Variants in PKNOX2 observed in about 807,000 individuals in gnomAD.
The protein encoded by PKNOX2 is homeobox protein PKNOX2.
In PKNOX2, 14 loss-of-function variants were observed where a neutral mutation model predicts 53.1. That is an observed-to-expected ratio of 0.26 (90% CI 0.17 to 0.41). PKNOX2 has a LOEUF of 0.41. PKNOX2 is among the 10% of genes least tolerant of loss of function. The pLI, the probability that PKNOX2 is intolerant of heterozygous loss-of-function variation, is 1.00. For synonymous variants in PKNOX2, 257 were observed against 242.8 expected (o/e 1.06, Z -0.54); for missense variants, 496 against 602.8 (o/e 0.82, Z 1.85).
intron 5 of PKNOX2, among the ~76,000 whole-genome samples, chr11:125,384,218 A>C (rs191383441): frequency 1.4e-4 from 22 of 152,354 alleles, no homozygotes; most frequent in African/African-American, 5.1e-4. Flanking sequence ...TAGACTTTGG[A>C]CATATAGTGA....
chr11:125,362,499 G>A (rs989584877), intron 4 of PKNOX2, among the ~76,000 whole-genome samples: 5 of 151,916 alleles, frequency 3.3e-5, no homozygotes, highest in African/African-American at 9.7e-5. Flanking sequence ...TCAGCCTCTC[G>A]AGTAGCTGAG....
rs200590076 is a variant in PKNOX2, at chr11:125,430,117, G to A, written c.1168G>A (p.Gly390Ser). 1.4e-4 allele frequency: 228 copies of A among 1,613,996 alleles called. No homozygotes were observed. Among genetic ancestry groups the A allele is most frequent in the Middle Eastern group, 5.0e-4 (3 of 6,058 alleles). Residue 390 changes from glycine (G) to serine (S), a missense_variant, in exon 12 of 13, where the codon GGT (glycine) becomes AGT (serine). Transcript: ENST00000298282. The stretch of plus-strand genomic sequence containing the variant: ...TGCGGGGGTGCTGCAGCAGCAGGGC[G>A]GTGCCCCAGGGACAAACCCCGATGG... ...IAAGVLQQQGGAPGTNPDGSI... is the reference protein window; with the variant it reads ...IAAGVLQQQGSAPGTNPDGSI...
At chr11:125,418,139 T>G (rs952330400) in intron 10 of PKNOX2, among the ~76,000 whole-genome samples, 1 of 151,998 alleles carries the variant, frequency 6.6e-6, no homozygotes. Context: ...GTTGTACCCA[T>G]TAGCCATCAC....
chr11:125,256,605 G>A (rs1944416233), intron 2 of PKNOX2, among the ~76,000 whole-genome samples: 1 of 152,196 alleles, frequency 6.6e-6, no homozygotes. Flanking sequence ...TCTGGGGATT[G>A]GTGGTCAGCG....
chr11:125,313,483 CAG>C (rs1360045772), intron 2 of PKNOX2, among the ~76,000 whole-genome samples: 2 of 152,228 alleles, frequency 1.3e-5, no homozygotes, highest in Non-Finnish European at 2.9e-5. Context: ...GGAATCCTCA[CAG>C]AGCTCCTGCT....
chr11:125,282,522 T>C (rs1946629406), intron 2 of PKNOX2, among the ~76,000 whole-genome samples: 1 of 152,204 alleles, frequency 6.6e-6, no homozygotes, highest in African/African-American at 2.4e-5. Flanking sequence ...TCAATAGGTC[T>C]GAAACAGAGC....
intron 3 of PKNOX2, chr11:125,332,485 C>G (rs1217608758): frequency 6.6e-6 from 1 of 152,154 alleles, no homozygotes; most frequent in Admixed American, 6.5e-5. Context: ...TAGAGAATCT[C>G]ATTTAATCCT....
At chr11:125,404,950 G>C (rs761032632) in intron 7 of PKNOX2, among the ~76,000 whole-genome samples, 1 of 152,174 alleles carries the variant, frequency 6.6e-6, no homozygotes, top group Non-Finnish European at 1.5e-5. Context: ...ATTCAGAACC[G>C]ACCCCCACCC....
intron 2 of PKNOX2, among the ~76,000 whole-genome samples, chr11:125,270,229 C>T (rs973258414): frequency 2.0e-5 from 3 of 152,226 alleles, no homozygotes; most frequent in African/African-American, 7.2e-5. Context: ...ACCAGCAGCC[C>T]TCTCTCCCCT....
chr11:125,179,911 T>C (rs766341228), intron 1 of PKNOX2, among the ~76,000 whole-genome samples: 5 of 152,218 alleles, frequency 3.3e-5, no homozygotes, highest in Non-Finnish European at 5.9e-5. Flanking sequence ...ATCAAATTCA[T>C]TGACGTTAAA....
At chr11:125,328,840 T>G (rs1003591539) in intron 2 of PKNOX2, among the ~76,000 whole-genome samples, 3 of 152,216 alleles carry the variant, frequency 2.0e-5, no homozygotes, top group African/African-American at 7.2e-5. Flanking sequence ...TTCCTAAGCC[T>G]CATTTTCCAC....
At chr11:125,197,890 C>T (rs1446931952) in intron 1 of PKNOX2, among the ~76,000 whole-genome samples, 1 of 152,202 alleles carries the variant, frequency 6.6e-6, no homozygotes, top group Admixed American at 6.5e-5. Context: ...CTCTTTGGGC[C>T]ACAACTGCAG....
chr11:125,178,310 G>A (rs1467921696), intron 1 of PKNOX2, among the ~76,000 whole-genome samples: 1 of 151,902 alleles, frequency 6.6e-6, no homozygotes, highest in East Asian at 2.0e-4. Flanking sequence ...TTGGGAGATC[G>A]AGACCAGCCT....
At chr11:125,175,512 A>G (rs1313195456) in intron 1 of PKNOX2, among the ~76,000 whole-genome samples, 2 of 152,240 alleles carry the variant, frequency 1.3e-5, no homozygotes, top group African/African-American at 4.8e-5. Context: ...TGAAGGCCAC[A>G]GACGAGTGGA....
intron 3 of PKNOX2, among the ~76,000 whole-genome samples, chr11:125,346,347 C>T (rs935521799): frequency 4.6e-5 from 7 of 152,162 alleles, no homozygotes; most frequent in Admixed American, 1.3e-4. Flanking sequence ...CAACCCTTTC[C>T]GTTCCATTCA....
At chr11:125,392,933 C>T (rs1310737761) in intron 6 of PKNOX2, among the ~76,000 whole-genome samples, 5 of 151,668 alleles carry the variant, frequency 3.3e-5, no homozygotes, top group Admixed American at 6.6e-5. Flanking sequence ...CCAAGGTGGG[C>T]GGATCATGAG....
intron 10 of PKNOX2, among the ~76,000 whole-genome samples, chr11:125,413,577 T>C (rs2135565741): frequency 6.6e-6 from 1 of 152,306 alleles, no homozygotes; most frequent in African/African-American, 2.4e-5. Flanking sequence ...TGACATACGA[T>C]GCAGGGTCAC....
chr11:125,292,123 C>A (rs1369599895), intron 2 of PKNOX2, among the ~76,000 whole-genome samples: 1 of 152,190 alleles, frequency 6.6e-6, no homozygotes, highest in South Asian at 2.1e-4. Context: ...TGCAGAAGAC[C>A]TACCCATCAT....
intron 1 of PKNOX2, among the ~76,000 whole-genome samples, chr11:125,213,352 A>C (rs1940095564): frequency 6.6e-6 from 1 of 152,074 alleles, no homozygotes; most frequent in South Asian, 2.1e-4. Context: ...CAGTTCCCTC[A>C]TCTGTTAAAT....
Sources: gnomAD v4.1 joint callset for allele counts (sites outside exome capture counted in the v4.1 genomes callset) on GRCh38, gnomAD v4.1.1 for gene constraint, MANE v1.5 for transcripts, NCBI Gene and HGNC (gene_info 2026-07-23, HGNC 2026-07-21) for gene names.